ANKRD13B: variants seen among roughly 807,000 people sequenced by gnomAD.
The protein encoded by ANKRD13B is ankyrin repeat domain-containing protein 13B.
Under a neutral mutation model 74.4 loss-of-function variants are expected in ANKRD13B, and 33 were observed. The observed-to-expected ratio is 0.44, with a 90% CI of 0.34 to 0.59. The LOEUF is 0.59. Ranked by LOEUF, ANKRD13B falls within the 20% of genes least tolerant of loss-of-function variation. The probability of loss-of-function intolerance (pLI) is 0.02; values close to 1 mark genes in which losing one functional copy is unlikely to be tolerated. For synonymous variants in ANKRD13B, 341 were observed against 362.9 expected (o/e 0.94, Z 0.68); for missense variants, 676 against 877.9 (o/e 0.77, Z 2.91).
In ANKRD13B at chr17:29,612,243, C is replaced by A. The variant is rs371236478; in HGVS notation, c.1228C>A (p.Arg410Ser). 1.2e-5 allele frequency: 20 copies of A among 1,614,092 alleles called. No individual in the cohort carries two copies. The highest frequency in any genetic ancestry group is 1.3e-5 in the Non-Finnish European group (15 of 1,180,016). Residue 410 changes from arginine to serine, a missense_variant, in exon 11 of 15, where the codon CGT becomes AGT. Physicochemically the swap from Arg to Ser is moderately radical, Grantham distance 110. Around this residue, in one of 4 missense-constraint regions of ANKRD13B, gnomAD observed 328 missense variants for 518.4 expected, o/e 0.63. Coordinates refer to ENST00000394859, the MANE Select transcript of ANKRD13B (RefSeq NM_152345.5). This position sits in a 1 kb window ranked among gnomAD's most constrained non-coding sequence, Gnocchi z 6.1. ...FAKLRDFITL[R>S]LPPGFPVKIE... ...CAAGCTCCGGGACTTCATCACCCTG[C>A]GTCTGCCTCCTGGCTTCCCAGTTAA... is the stretch of plus-strand genomic sequence containing the variant.
Position 29,609,167 on chromosome 17 carries a change from G to A in ANKRD13B, c.647G>A (p.Arg216Gln), listed in dbSNP as rs370819588. Residue 216 changes from arginine to glutamine, a missense_variant, in exon 6 of 15, where the codon CGG (arginine) becomes CAG (glutamine). Arg to Gln is a conservative substitution (Grantham distance 43). Coordinates refer to ENST00000394859, the MANE Select transcript of ANKRD13B (RefSeq NM_152345.5). This position sits in a 1 kb window ranked among gnomAD's most constrained non-coding sequence, Gnocchi z 4.0. ...ACTCTGGCACTGGCTGGGCAGGACC[G>A]GGAGCTGCTGCTGGCTGCTGCTCAG... ...TETLALAGQD[R>Q]ELLLAAAQPT... 5 of 1,612,360 alleles carry A rather than the reference G, an allele frequency of 3.1e-6. No individual in the cohort carries two copies. The highest frequency in any genetic ancestry group is 4.2e-6 in the Non-Finnish European group (5 of 1,180,028).
At chr17:29,605,431 CACAT>C (rs960916147) in intron 1 of ANKRD13B, among the ~76,000 whole-genome samples, 2 of 151,852 alleles carry the variant, frequency 1.3e-5, no homozygotes, top group Admixed American at 6.6e-5. Flanking sequence ...CACACACACA[CACAT>C]ACACACACAC....
chr17:29,594,275 G>A (rs1365973608), intron 1 of ANKRD13B, among the ~76,000 whole-genome samples: 3 of 152,250 alleles, frequency 2.0e-5, no homozygotes, highest in Non-Finnish European at 2.9e-5. Flanking sequence ...GGAACAGGGA[G>A]TGGAGAAAGA....
chr17:29,610,365 C>T (rs965964574), intron 7 of ANKRD13B, among the ~76,000 whole-genome samples: 2 of 152,080 alleles, frequency 1.3e-5, no homozygotes, highest in Admixed American at 1.3e-4. Context: ...AGTGCATGGA[C>T]CATGCTGTTA....
chr17:29,611,962 C>T lies in ANKRD13B; in HGVS notation c.1056C>T (p.Asn352=), dbSNP rs760042793. Residue 352 remains asparagine (N), a synonymous_variant, in exon 10 of 15, where the codon AAC becomes AAT. Transcript: ENST00000394859. The surrounding 1 kb of genome is among the most constrained non-coding windows in gnomAD (Gnocchi z 4.3). ...TCAACCCCAACTTTGAGCTGGGCAACCGTGATATGGGCCGCCCCATGGAAC... is the reference window on the plus strand; with the variant it reads ...TCAACCCCAACTTTGAGCTGGGCAATCGTGATATGGGCCGCCCCATGGAAC... The part of the protein sequence containing the change: ...EYFNPNFELG[N]RDMGRPMELT... 2 of 1,614,134 alleles carry T rather than the reference C, an allele frequency of 1.2e-6. No homozygotes were observed. The highest frequency in any genetic ancestry group is 1.7e-6 in the Non-Finnish European group (2 of 1,180,004).
At chr17:29,603,144 C>T (rs1008438900) in intron 1 of ANKRD13B, among the ~76,000 whole-genome samples, 5 of 152,088 alleles carry the variant, frequency 3.3e-5, no homozygotes, top group Admixed American at 1.3e-4. Context: ...CCACCGCACC[C>T]GGCCTATTTC....
chr17:29,596,253 C>G (rs1051182984), intron 1 of ANKRD13B, among the ~76,000 whole-genome samples: 1 of 152,246 alleles, frequency 6.6e-6, no homozygotes, highest in Admixed American at 6.5e-5. Context: ...TTTGCTCAGC[C>G]CCAAATTGCT....
chr17:29,612,014 C>T lies in ANKRD13B; in HGVS notation c.1100+8C>T, dbSNP rs1157387949. The T allele has an allele frequency of 3.7e-6, 6 of 1,610,450 alleles. No individual in the cohort carries two copies. The highest frequency in any genetic ancestry group is 5.1e-6 in the Non-Finnish European group (6 of 1,178,254). On this transcript the variant is annotated splice_region_variant and intron_variant, in intron 10 of 14. Coordinates refer to ENST00000394859, the MANE Select transcript of ANKRD13B (RefSeq NM_152345.5). The surrounding 1 kb of genome is among the most constrained non-coding windows in gnomAD (Gnocchi z 6.1). Reference sequence around the variant, plus strand: ...GACCACCAAGACACAGAAGTGAGGCCCCTGCCGGTGCTGGGAAGGTGGGGG... The same window carrying T: ...GACCACCAAGACACAGAAGTGAGGCTCCTGCCGGTGCTGGGAAGGTGGGGG...
intron 1 of ANKRD13B, among the ~76,000 whole-genome samples, chr17:29,602,770 T>C (rs529477394): frequency 4.2e-4 from 64 of 152,344 alleles, no homozygotes; most frequent in African/African-American, 1.5e-3. Flanking sequence ...GGACATGTCT[T>C]AGGAGGGGCA....
At chr17:29,602,002 T>G (rs937994678) in intron 1 of ANKRD13B, among the ~76,000 whole-genome samples, 5 of 152,246 alleles carry the variant, frequency 3.3e-5, no homozygotes, top group Non-Finnish European at 7.3e-5. Context: ...GTAGTTTACT[T>G]CGTGTTTGTC....
At chr17:29,610,084 C>T (rs557757496) in intron 7 of ANKRD13B, among the ~76,000 whole-genome samples, 24 of 151,238 alleles carry the variant, frequency 1.6e-4, no homozygotes, top group South Asian at 4.2e-4. Context: ...CCCAGCTACT[C>T]GGGAGGCTGA....
chr17:29,612,970 G>T lies in ANKRD13B; in HGVS notation c.1652+7G>T. The T allele has an allele frequency of 8.1e-6, 13 of 1,595,646 alleles. No individual in the cohort carries two copies. Among genetic ancestry groups the T allele is most frequent in the Non-Finnish European group, 1.1e-5 (13 of 1,178,618 alleles). On this transcript the variant is annotated splice_region_variant and intron_variant, in intron 14 of 14. Coordinates refer to ENST00000394859, the MANE Select transcript of ANKRD13B (RefSeq NM_152345.5). This position sits in a 1 kb window ranked among gnomAD's most constrained non-coding sequence, Gnocchi z 6.1. ...AGGGTCGCCGACAGGACAGGTCAGT[G>T]CCCGCTGGGCCGGAGAGAATCCTCC...
chr17:29,601,527 A>G (rs1375446823), intron 1 of ANKRD13B, among the ~76,000 whole-genome samples: 1 of 152,036 alleles, frequency 6.6e-6, no homozygotes, highest in Non-Finnish European at 1.5e-5. Flanking sequence ...TGGCCTCCTG[A>G]CATTCTTATA....
intron 1 of ANKRD13B, among the ~76,000 whole-genome samples, chr17:29,606,027 C>A (rs1197237569): frequency 1.3e-5 from 2 of 151,620 alleles, no homozygotes; most frequent in African/African-American, 4.8e-5. Flanking sequence ...GTTCTCTTGC[C>A]TCAGCCTCCT....
chr17:29,596,157 C>T (rs1235850130), intron 1 of ANKRD13B, among the ~76,000 whole-genome samples: 3 of 152,262 alleles, frequency 2.0e-5, no homozygotes, highest in African/African-American at 2.4e-5. Flanking sequence ...AAGAAAGCCC[C>T]GCAGAGGCCC....
rs376995271 is a variant in ANKRD13B at position 29,609,204 on chromosome 17, A to G, written c.684A>G (p.Glu228=). The change falls in exon 6 of 15, where the codon GAA becomes GAG. Residue 228 remains glutamate, a synonymous_variant. Coordinates refer to ENST00000394859, the MANE Select transcript of ANKRD13B (RefSeq NM_152345.5). The surrounding 1 kb of genome is among the most constrained non-coding windows in gnomAD (Gnocchi z 4.0). ...TGGCTGCTGCTCAGCCCACTGAGGA[A>G]CAGGTGCTGAGCCGGCTTACCGCGC... ...LLLAAAQPTE[E]QVLSRLTAPV... 6.2e-6 allele frequency: 10 copies of G among 1,612,744 alleles called. No individual in the cohort carries two copies. The highest frequency in any genetic ancestry group is 8.5e-6 in the Non-Finnish European group (10 of 1,180,006).
chr17:29,594,429 G>T lies in ANKRD13B; in HGVS notation c.114+694G>T, dbSNP rs73278696. Among the ~76,000 whole-genome samples the T allele has an allele frequency of 5.0e-3, 768 of 152,342 alleles. 8 individuals are homozygous for T. The highest frequency in any genetic ancestry group is 0.017 in the African/African-American group (688 of 41,570). On this transcript the variant is annotated intron_variant, in intron 1 of 14. Coordinates refer to ENST00000394859, the MANE Select transcript of ANKRD13B (RefSeq NM_152345.5). Reference sequence around the variant, plus strand: ...ACTTGAGGTTCTGCGCACCAGGTGGGCTCCCTGGTTTCTGCTGGTCAGTAA... The same window carrying T: ...ACTTGAGGTTCTGCGCACCAGGTGGTCTCCCTGGTTTCTGCTGGTCAGTAA...
chr17:29,603,294 T>C (rs1437205236), intron 1 of ANKRD13B, among the ~76,000 whole-genome samples: 1 of 152,116 alleles, frequency 6.6e-6, no homozygotes, highest in African/African-American at 2.4e-5. Context: ...CAGGCTGGAG[T>C]GCAGTGGCGT....
chr17:29,599,686 A>G (rs567096546), intron 1 of ANKRD13B, among the ~76,000 whole-genome samples: 1 of 152,172 alleles, frequency 6.6e-6, no homozygotes, highest in East Asian at 1.9e-4. Context: ...TTCCAGAATG[A>G]AGAAGGCAAG....
Sources: allele counts gnomAD v4.1 joint callset (sites outside exome capture counted in the v4.1 genomes callset), GRCh38; gene constraint gnomAD v4.1.1; regional missense constraint gnomAD v4.1.1; non-coding constraint Gnocchi (gnomAD v3.1); transcripts MANE v1.5; gene names NCBI Gene and HGNC (gene_info 2026-07-23, HGNC 2026-07-21).